SRP54: variants seen among roughly 807,000 people sequenced by gnomAD.
SRP54 encodes the protein signal recognition particle subunit SRP54.
A neutral mutation model predicts 64.8 loss-of-function variants in SRP54; 10 were observed. The ratio of observed to expected loss-of-function variants is 0.15; its 90% CI spans 0.10 to 0.26. The LOEUF is 0.26. Ranked by LOEUF, SRP54 falls within the 10% of genes least tolerant of loss-of-function variation. The pLI is 1.00. For missense variants in SRP54, 325 were observed against 613.7 expected (o/e 0.53, Z 4.97); for synonymous variants, 193 against 185.6 (o/e 1.04, Z -0.32).
intron 7 of SRP54, 87 bp from the exon 8 acceptor site, chr14:35,011,422 A>G: frequency 1.7e-6 from 2 of 1,153,770 alleles, no homozygotes; most frequent in Non-Finnish European, 2.3e-6. Flanking sequence ...GGCTTTTTCA[A>G]AATAGATTAT....
intron 13 of SRP54, among the ~76,000 whole-genome samples, chr14:35,019,964 C>T (rs1200608040): frequency 6.6e-6 from 1 of 152,140 alleles, no homozygotes; most frequent in Non-Finnish European, 1.5e-5. Context: ...GGGCGGATCA[C>T]CTGAGGTCAG....
rs1205415226 is a variant in SRP54 at position 35,029,262 on chromosome 14, A to G, written c.*110A>G. 11 of 712,444 alleles carry G rather than the reference A, an allele frequency of 1.5e-5. No individual in the cohort carries two copies. The highest frequency in any genetic ancestry group is 6.8e-6 in the Non-Finnish European group (3 of 442,330). 44.1% of individuals were successfully genotyped at this position (712,444 alleles called of 1,614,324 possible). A position where few individuals can be genotyped will look rare whatever the true frequency, so the allele number is the denominator to read the frequency against. On this transcript the variant is annotated 3_prime_UTR_variant, in exon 16 of 16. Transcript: ENST00000216774. ...GGAAAGTGTATTTTTCTTGCTTATC[A>G]TGCACTCTTTCCTTTTCTTCTCGCC...
rs2043829630 is a variant in SRP54, at chr14:34,983,067, G to A, written c.-182G>A. ...TTGACGACGTGGTGCTGGGCGTTGG[G>A]ACCCTACTTTATCTAGTTCGGGAAG... On this transcript the variant is annotated 5_prime_UTR_variant, in exon 1 of 16. Transcript: ENST00000216774. 1 of 152,264 alleles carries A rather than the reference G, an allele frequency of 6.6e-6. No homozygotes were observed. Among genetic ancestry groups the A allele is most frequent in the African/African-American group, 2.4e-5 (1 of 41,454 alleles). The allele number at this position is 152,264 out of a possible 1,614,324, so 9.4% of individuals were successfully genotyped here.
Position 34,983,168 on chromosome 14 carries a change from A to AG in SRP54, c.-79dup, listed in dbSNP as rs912441128. On this transcript the variant is annotated 5_prime_UTR_variant, in exon 1 of 16. Transcript: ENST00000216774. ...CTTCCGACGGCGTGGGGCCTCGCTA[A>AG]GGAATTCCCGGCCCCTCAGGGCCAC... 6.6e-6 allele frequency: 1 copy of AG among 152,344 alleles called. No homozygotes were observed. Among genetic ancestry groups the AG allele is most frequent in the African/African-American group, 2.4e-5 (1 of 41,462 alleles). 9.4% of individuals were successfully genotyped at this position (152,344 alleles called of 1,614,324 possible).
rs753898314 is a variant in SRP54 at position 35,014,829 on chromosome 14, T to A, written c.972T>A (p.His324Gln). Residue 324 changes from histidine to glutamine, a missense_variant and splice_region_variant, in exon 11 of 16, where the codon CAT (histidine) becomes CAA (glutamine). This residue lies in a region of SRP54 where 146 missense variants were observed against 337.4 expected (regional missense o/e 0.43). Coordinates refer to ENST00000216774, the MANE Select transcript of SRP54 (RefSeq NM_003136.4). ...AAGCACTTATAGAGAAGTTGAAACATGGTATATGAGTGACAAAAAAGCACT... is the reference window on the plus strand; with the variant it reads ...AAGCACTTATAGAGAAGTTGAAACAAGGTATATGAGTGACAAAAAAGCACT... ...DNEALIEKLK[H>Q]GQFTLRDMYE... The A allele has an allele frequency of 1.2e-6, 2 of 1,612,278 alleles. No individual in the cohort carries two copies. Among genetic ancestry groups the A allele is most frequent in the Non-Finnish European group, 1.7e-6 (2 of 1,178,666 alleles).
intron 4 of SRP54, 52 bp from the exon 5 acceptor site, chr14:35,007,231 A>G: frequency 7.0e-6 from 9 of 1,294,724 alleles, no homozygotes; most frequent in Admixed American, 2.0e-5. Flanking sequence ...GGGGTTTTGA[A>G]TTTATATGTA....
intron 13 of SRP54, 103 bp from the exon 14 acceptor site, chr14:35,022,807 A>G (rs1351660240): frequency 2.2e-6 from 2 of 899,054 alleles, no homozygotes; most frequent in Non-Finnish European, 3.1e-6. Context: ...ATCACTTTAA[A>G]AACATCTGCT....
At chr14:34,995,642 A>G (rs1449110378) in intron 1 of SRP54, among the ~76,000 whole-genome samples, 1 of 152,172 alleles carries the variant, frequency 6.6e-6, no homozygotes, top group Admixed American at 6.5e-5. Flanking sequence ...ATAAAACAGT[A>G]AGATTTTAGA....
chr14:35,013,684 C>G, intron 9 of SRP54, 118 bp from the exon 10 acceptor site: 1 of 1,117,348 alleles, frequency 8.9e-7, no homozygotes, highest in Non-Finnish European at 1.3e-6. Flanking sequence ...TGAAATGAAA[C>G]TTGAGTTTTG....
intron 14 of SRP54, among the ~76,000 whole-genome samples, chr14:35,023,940 C>T (rs2044577716): frequency 6.6e-6 from 1 of 152,096 alleles, no homozygotes; most frequent in African/African-American, 2.4e-5. Flanking sequence ...TTGTGCAGTT[C>T]CATGAGACCA....
intron 4 of SRP54, among the ~76,000 whole-genome samples, chr14:35,002,594 A>G (rs1242887807): frequency 3.3e-5 from 5 of 151,636 alleles, no homozygotes; most frequent in Admixed American, 6.6e-5. Flanking sequence ...CACCACGCCC[A>G]GCTAATTTTT....
intron 14 of SRP54, among the ~76,000 whole-genome samples, chr14:35,027,498 CT>C (rs1345760022): frequency 6.6e-6 from 1 of 152,176 alleles, no homozygotes; most frequent in Non-Finnish European, 1.5e-5. Context: ...TGTCTCACAC[CT>C]GTAATCCCAG....
chr14:35,012,941 GTTT>G (rs761844773), intron 8 of SRP54, among the ~76,000 whole-genome samples: 2 of 118,392 alleles, frequency 1.7e-5, no homozygotes, highest in African/African-American at 3.1e-5. Context: ...AAATGTTGTA[GTTT>G]TTTTTTTTTT....
chr14:35,012,703 T>C (rs12878685), intron 8 of SRP54, among the ~76,000 whole-genome samples: 52,637 of 151,922 alleles, frequency 0.35, 9,725 homozygotes, highest in East Asian at 0.69. Flanking sequence ...CCTGACTACC[T>C]TACTAGAAAA....
chr14:35,012,508 C>T (rs995374276), intron 8 of SRP54, among the ~76,000 whole-genome samples: 2 of 152,042 alleles, frequency 1.3e-5, no homozygotes, highest in African/African-American at 4.8e-5. Flanking sequence ...GTTATTTTGA[C>T]CAAGTTGAGC....
intron 7 of SRP54, 53 bp downstream of exon 7, chr14:35,008,884 C>G: frequency 1.5e-6 from 1 of 676,430 alleles, no homozygotes; most frequent in South Asian, 2.6e-5. Flanking sequence ...TGTCTGTCAG[C>G]TTTTTTTTTT....
At chr14:34,986,618 G>A (rs549803209) in intron 1 of SRP54, among the ~76,000 whole-genome samples, 4 of 152,270 alleles carry the variant, frequency 2.6e-5, no homozygotes, top group African/African-American at 9.6e-5. Context: ...GGTGGCTCAC[G>A]CCTGTAATCC....
intron 13 of SRP54, among the ~76,000 whole-genome samples, chr14:35,020,449 A>T (rs1327449663): frequency 6.6e-6 from 1 of 152,222 alleles, no homozygotes; most frequent in Non-Finnish European, 1.5e-5. Context: ...CATTTTACCC[A>T]CAGTAGAACG....
intron 4 of SRP54, among the ~76,000 whole-genome samples, chr14:35,005,733 A>G (rs2044246893): frequency 6.6e-6 from 1 of 152,066 alleles, no homozygotes. Context: ...TAGTTTACCA[A>G]CCCCTGATCT....
Sources: gnomAD v4.1 joint callset for allele counts (sites outside exome capture counted in the v4.1 genomes callset) on GRCh38, gnomAD v4.1.1 for gene constraint, gnomAD v4.1.1 regional missense constraint, MANE v1.5 for transcripts, NCBI Gene and HGNC (gene_info 2026-07-23, HGNC 2026-07-21) for gene names.